Variants in ABTB3 observed in about 807,000 individuals in gnomAD.
The protein encoded by ABTB3 is ankyrin repeat- and BTB/POZ domain-containing protein 3.
the ABTB3 span, among the ~76,000 whole-genome samples, chr12:107,505,777 A>C: frequency 1.3e-5 from 2 of 152,324 alleles, no homozygotes; most frequent in Admixed American, 6.5e-5. Flanking sequence ...TAAAGTGAGA[A>C]AATGCAGCAT....
the ABTB3 span, among the ~76,000 whole-genome samples, chr12:107,333,439 C>T: frequency 6.6e-6 from 1 of 152,160 alleles, no homozygotes; most frequent in Non-Finnish European, 1.5e-5. Context: ...TCAGATGAGA[C>T]AGCACTTGAG....
the ABTB3 span, among the ~76,000 whole-genome samples, chr12:107,482,919 TC>T: frequency 2.8e-5 from 1 of 35,400 alleles, no homozygotes; most frequent in African/African-American, 1.8e-4. Flanking sequence ...TCTTCTTCTT[TC>T]TTTCTTTCTT....
At chr12:107,588,089 C>T in the ABTB3 span, among the ~76,000 whole-genome samples, 1 of 152,188 alleles carries the variant, frequency 6.6e-6, no homozygotes, top group South Asian at 2.1e-4. Context: ...ATCTCTGCCT[C>T]CATCTTCACA....
chr12:107,544,928 G>A, the ABTB3 span, among the ~76,000 whole-genome samples: 2 of 152,180 alleles, frequency 1.3e-5, no homozygotes, highest in African/African-American at 2.4e-5. Context: ...ATTCTACATA[G>A]GGATGTTTGA....
chr12:107,569,900 G>T, the ABTB3 span, among the ~76,000 whole-genome samples: 2 of 152,184 alleles, frequency 1.3e-5, no homozygotes, highest in African/African-American at 4.8e-5. Context: ...GGCTTCCACC[G>T]CATGGTCCAA....
the ABTB3 span, among the ~76,000 whole-genome samples, chr12:107,554,090 T>A: frequency 6.6e-6 from 1 of 152,228 alleles, no homozygotes; most frequent in South Asian, 2.1e-4. Context: ...CTATGTGTCA[T>A]GTACTGTGTG....
the ABTB3 span, among the ~76,000 whole-genome samples, chr12:107,474,446 C>T: frequency 6.6e-6 from 1 of 152,160 alleles, no homozygotes; most frequent in Non-Finnish European, 1.5e-5. Flanking sequence ...CGGGCTCTTT[C>T]CGAATGATTA....
the ABTB3 span, among the ~76,000 whole-genome samples, chr12:107,608,287 T>C: frequency 1.3e-5 from 2 of 152,148 alleles, no homozygotes. Context: ...CTCTATCACA[T>C]CTCCCGGCCT....
At chr12:107,452,229 G>A in the ABTB3 span, among the ~76,000 whole-genome samples, 1 of 107,796 alleles carries the variant, frequency 9.3e-6, no homozygotes, top group Non-Finnish European at 1.8e-5. Flanking sequence ...TTTTTTTTGA[G>A]ACGGAGTCTC....
chr12:107,475,308 G>A, the ABTB3 span, among the ~76,000 whole-genome samples: 5 of 152,160 alleles, frequency 3.3e-5, no homozygotes, highest in African/African-American at 1.2e-4. Flanking sequence ...CCTGTGGAGT[G>A]GGAATAATGA....
At chr12:107,433,284 G>A in the ABTB3 span, among the ~76,000 whole-genome samples, 42 of 114,984 alleles carry the variant, frequency 3.7e-4, no homozygotes, top group African/African-American at 1.2e-3. Flanking sequence ...GCGACAGAGC[G>A]AGACTCCGTC....
chr12:107,522,268 A>G, the ABTB3 span, among the ~76,000 whole-genome samples: 1 of 152,204 alleles, frequency 6.6e-6, no homozygotes, highest in South Asian at 2.1e-4. Flanking sequence ...TTGGGGTGAC[A>G]GACATTCAGA....
chr12:107,320,565 G>C, the ABTB3 span: 2 of 456,030 alleles, frequency 4.4e-6, no homozygotes, highest in Admixed American at 2.3e-5. Context: ...GCAGTGCACG[G>C]GGGAAGGAGG....
chr12:107,520,220 T>C, the ABTB3 span: 5 of 985,272 alleles, frequency 5.1e-6, no homozygotes, highest in Non-Finnish European at 6.0e-6. Flanking sequence ...GAGAGGATTC[T>C]GTTTTGTGTT....
At chr12:107,651,916 C>T in the ABTB3 span, 2 of 719,298 alleles carry the variant, frequency 2.8e-6, no homozygotes, top group South Asian at 1.7e-5. Context: ...AAGCCGCTGG[C>T]CTCTGCCAAG....
the ABTB3 span, among the ~76,000 whole-genome samples, chr12:107,353,673 G>A: frequency 4.8e-4 from 73 of 152,256 alleles, no homozygotes; most frequent in African/African-American, 1.4e-3. Context: ...TGGCCTGTCC[G>A]AACTGAGTGG....
At chr12:107,439,658 C>T in the ABTB3 span, among the ~76,000 whole-genome samples, 8 of 152,298 alleles carry the variant, frequency 5.3e-5, no homozygotes, top group Admixed American at 2.6e-4. Context: ...TTCATCTGCA[C>T]ACAGTAACCA....
the ABTB3 span, among the ~76,000 whole-genome samples, chr12:107,566,648 T>TACACACACACACACACAC: frequency 4.4e-5 from 6 of 136,456 alleles, no homozygotes; most frequent in Middle Eastern, 3.8e-3. Flanking sequence ...CTAATTTAAA[T>TACACACACACACACACAC]ACACACACAC....
chr12:107,491,279 C>T, the ABTB3 span, among the ~76,000 whole-genome samples: 2 of 152,190 alleles, frequency 1.3e-5, no homozygotes, highest in African/African-American at 2.4e-5. Context: ...GCCTTCACAC[C>T]CTGTTCCCCA....
Sources: allele counts gnomAD v4.1 joint callset (sites outside exome capture counted in the v4.1 genomes callset), GRCh38; gene constraint gnomAD v4.1.1; transcripts MANE v1.5; gene names NCBI Gene and HGNC (gene_info 2026-07-23, HGNC 2026-07-21).